The following RALGAPB variants were observed in gnomAD, a reference collection of about 807,000 sequenced individuals.
RALGAPB encodes ral GTPase-activating protein subunit beta.
Under a neutral mutation model 161.1 loss-of-function variants are expected in RALGAPB, and 25 were observed. That is an observed-to-expected ratio of 0.16 (90% confidence interval 0.11 to 0.22). RALGAPB has a LOEUF of 0.22. RALGAPB is among the 10% of genes least tolerant of loss of function. The pLI is 1.00. For synonymous variants in RALGAPB, 629 were observed against 626.1 expected (o/e 1.00, Z -0.07); for missense variants, 1,391 against 1,815.2 (o/e 0.77, Z 4.25).
intron 6 of RALGAPB, among the ~76,000 whole-genome samples, chr20:38,511,541 G>A (rs1424867477): frequency 2.0e-5 from 3 of 151,848 alleles, no homozygotes; most frequent in African/African-American, 4.8e-5. Context: ...ACTCTTAACG[G>A]GTATGCTGCC....
chr20:38,509,160 A>T lies in RALGAPB; in HGVS notation c.824A>T (p.Asp275Val), dbSNP rs760274349. The T allele has an allele frequency of 1.2e-6, 2 of 1,613,926 alleles. No homozygotes were observed. Among genetic ancestry groups the T allele is most frequent in the Non-Finnish European group, 1.7e-6 (2 of 1,179,764 alleles). The part of the protein sequence containing the change: ...EDASLIPPEM[D>V]NECVAQTWFR... ...GCCAGTCTGATCCCTCCAGAAATGG[A>T]TAATGAGTGTGTTGCACAGACATGG... Residue 275 changes from aspartate (D) to valine (V), a missense_variant, in exon 6 of 30, where the codon GAT becomes GTT. Asp to Val is a radical substitution (Grantham distance 152, BLOSUM62 -3). This residue lies in a region of RALGAPB where 946 missense variants were observed against 1,257.2 expected (regional missense o/e 0.75). Transcript: ENST00000262879.
chr20:38,508,086 T>A (rs1274606746), intron 5 of RALGAPB, among the ~76,000 whole-genome samples: 2 of 151,044 alleles, frequency 1.3e-5, no homozygotes, highest in Non-Finnish European at 2.9e-5. Flanking sequence ...ATGAATCTTT[T>A]AAAAAATTTA....
Position 38,576,085 on chromosome 20 carries a change from T to G in RALGAPB, c.*1118T>G, listed in dbSNP as rs577980345. 1 of 152,490 alleles carries G rather than the reference T, an allele frequency of 6.6e-6. No individual in the cohort carries two copies. Among genetic ancestry groups the G allele is most frequent in the South Asian group, 2.1e-4 (1 of 4,820 alleles). 9.4% of individuals were successfully genotyped at this position (152,490 alleles called of 1,614,324 possible). A position where few individuals can be genotyped will look rare whatever the true frequency, so the allele number is the denominator to read the frequency against. On this transcript the variant is annotated 3_prime_UTR_variant, in exon 30 of 30. Transcript: ENST00000262879. Reference sequence around the variant, plus strand: ...GCCAGCCAACAGATCCCTGCCAGGTTTTGGAAATACTTCTATTACCTCGCT... The same window carrying G: ...GCCAGCCAACAGATCCCTGCCAGGTGTTGGAAATACTTCTATTACCTCGCT...
intron 9 of RALGAPB, 41 bp from the exon 10 acceptor site, chr20:38,521,456 C>A: frequency 1.9e-6 from 3 of 1,611,544 alleles, no homozygotes; most frequent in Non-Finnish European, 1.7e-6. Flanking sequence ...GCCTACGTGG[C>A]ATATTGCAAA....
At chr20:38,490,154 C>T (rs1208454178) in intron 2 of RALGAPB, among the ~76,000 whole-genome samples, 1 of 151,712 alleles carries the variant, frequency 6.6e-6, no homozygotes, top group Non-Finnish European at 1.5e-5. Context: ...GGACTACAGG[C>T]ACATGCCACC....
intron 16 of RALGAPB, chr20:38,537,647 G>A (rs1035112047): frequency 6.6e-6 from 1 of 152,114 alleles, no homozygotes; most frequent in Non-Finnish European, 1.5e-5. Flanking sequence ...TCACAGGCTG[G>A]GAGGAAATGT....
In RALGAPB at chr20:38,567,077, T is replaced by G. The variant is rs1329650772; in HGVS notation, c.3818-19T>G. On this transcript the variant is annotated intron_variant, in intron 25 of 29. Coordinates refer to ENST00000262879, the MANE Select transcript of RALGAPB (RefSeq NM_020336.4). The stretch of plus-strand genomic sequence containing the variant: ...TAAGTGGTATGTATTATAGTTGCTT[T>G]TTTTCCTTTACCCCATAGCTGATTC... 2 of 1,609,522 alleles carry G rather than the reference T, an allele frequency of 1.2e-6. No individual in the cohort carries two copies. Among genetic ancestry groups the G allele is most frequent in the Non-Finnish European group, 1.7e-6 (2 of 1,177,932 alleles).
chr20:38,492,831 AT>A (rs1475502251), intron 2 of RALGAPB, 98 bp from the exon 3 acceptor site: 4 of 951,310 alleles, frequency 4.2e-6, no homozygotes, highest in African/African-American at 1.6e-5. Context: ...TATACTGTCA[AT>A]TTAGAGGTTT....
chr20:38,528,816 G>T (rs2086554548), intron 13 of RALGAPB, among the ~76,000 whole-genome samples: 1 of 152,074 alleles, frequency 6.6e-6, no homozygotes, highest in Non-Finnish European at 1.5e-5. Context: ...GAGTACCTGG[G>T]ATTACTGGCA....
intron 7 of RALGAPB, 88 bp from the exon 8 acceptor site, chr20:38,517,418 G>A (rs947490131): frequency 7.5e-7 from 1 of 1,340,188 alleles, no homozygotes; most frequent in Non-Finnish European, 1.0e-6. Context: ...TGTGTCCCAA[G>A]CCTTCACTAG....
rs796870106 is a variant in RALGAPB, at chr20:38,571,543, A to G, written c.4142+696A>G. Among the ~76,000 whole-genome samples, 26 of 152,302 alleles carry G rather than the reference A, an allele frequency of 1.7e-4. 1 individual carries two copies. The highest frequency in any genetic ancestry group is 6.0e-4 in the African/African-American group (25 of 41,572). On this transcript the variant is annotated intron_variant, in intron 28 of 29. Transcript: ENST00000262879. The stretch of plus-strand genomic sequence containing the variant: ...TGTTGTTGCAGATGGCAGGATTTCC[A>G]TTTTAAGACTGAATAATATTTCATT...
Position 38,550,971 on chromosome 20 carries a change from C to T in RALGAPB, c.3010-100C>T. ...TGAGTGAGTTTTTGTGACATGTAAT[C>T]CTAGGGAAACACAGGCATCTAAGAG... On this transcript the variant is annotated intron_variant, in intron 20 of 29. Coordinates refer to ENST00000262879, the MANE Select transcript of RALGAPB (RefSeq NM_020336.4). The T allele has an allele frequency of 2.2e-6, 3 of 1,368,560 alleles. No individual in the cohort carries two copies. In the South Asian group the frequency reaches 4.2e-5, roughly 19 times the overall value. 84.8% of individuals were successfully genotyped at this position (1,368,560 alleles called of 1,614,324 possible).
intron 27 of RALGAPB, among the ~76,000 whole-genome samples, chr20:38,570,470 G>T (rs1601089976): frequency 6.6e-6 from 1 of 152,104 alleles, no homozygotes; most frequent in African/African-American, 2.4e-5. Flanking sequence ...ATATATACTT[G>T]CCTAAAATCC....
chr20:38,535,818 C>A (rs976266194), intron 16 of RALGAPB, among the ~76,000 whole-genome samples: 4 of 152,160 alleles, frequency 2.6e-5, no homozygotes, highest in Non-Finnish European at 5.9e-5. Context: ...CTTCTGACCT[C>A]AGGTGATCCA....
At chr20:38,497,579 C>T in intron 4 of RALGAPB, 63 bp downstream of exon 4, 1 of 1,510,962 alleles carries the variant, frequency 6.6e-7, no homozygotes, top group East Asian at 2.3e-5. Flanking sequence ...TCTTTAAACT[C>T]AGTGAGCGGT....
chr20:38,539,193 G>A (rs769560278), intron 16 of RALGAPB, among the ~76,000 whole-genome samples: 2 of 152,176 alleles, frequency 1.3e-5, no homozygotes, highest in Non-Finnish European at 2.9e-5. Flanking sequence ...TCTAGAAAAT[G>A]CAAGCTAATC....
At chr20:38,570,955 TAAAAA>T in intron 28 of RALGAPB, 108 bp downstream of exon 28, 1 of 703,452 alleles carries the variant, frequency 1.4e-6, no homozygotes, top group Non-Finnish European at 2.3e-6. Flanking sequence ...CAACTAGAAA[TAAAAA>T]CAAAAAAGAT....
In RALGAPB at chr20:38,558,467, ATT is replaced by A. The variant is rs36061549; in HGVS notation, c.3531+25_3531+26del. ...ACGAACCAAGAGGTAAGAGTTACGA[ATT>A]TTTTTTTTTTGGTATGTTTTTGTGC... On this transcript the variant is annotated intron_variant, in intron 23 of 29. Coordinates refer to ENST00000262879, the MANE Select transcript of RALGAPB (RefSeq NM_020336.4). The A allele has an allele frequency of 2.5e-4, 312 of 1,254,278 alleles. No individual in the cohort carries two copies. The highest frequency in any genetic ancestry group is 7.7e-4 in the South Asian group (50 of 65,058). 77.7% of individuals were successfully genotyped at this position (1,254,278 alleles called of 1,614,324 possible). A position where few individuals can be genotyped will look rare whatever the true frequency, so the allele number is the denominator to read the frequency against.
chr20:38,517,957 C>G lies in RALGAPB; in HGVS notation c.1374C>G (p.His458Gln). The G allele has an allele frequency of 1.2e-6, 2 of 1,613,766 alleles. No homozygotes were observed. Among genetic ancestry groups the G allele is most frequent in the South Asian group, 2.2e-5 (2 of 91,070 alleles). ...GGTTATTTGATGCAGCATTTGTTCA[C>G]TGTAAACTTCATAATGGGATAAACA... ...GSWLFDAAFV[H>Q]CKLHNGINRD... Residue 458 changes from histidine (H) to glutamine (Q), a missense_variant, in exon 9 of 30, where the codon CAC becomes CAG. His to Gln is a conservative substitution (Grantham distance 24). Transcript: ENST00000262879.
Sources: allele counts gnomAD v4.1 joint callset (sites outside exome capture counted in the v4.1 genomes callset), GRCh38; gene constraint gnomAD v4.1.1; regional missense constraint gnomAD v4.1.1; transcripts MANE v1.5; gene names NCBI Gene and HGNC (gene_info 2026-07-23, HGNC 2026-07-21).